GABRA5: variants seen among roughly 807,000 people sequenced by gnomAD.
GABRA5 encodes gamma-aminobutyric acid type A receptor subunit alpha5, also known as gamma-aminobutyric acid receptor subunit alpha-5.
A neutral mutation model predicts 47.3 loss-of-function variants in GABRA5; 18 were observed. That is an observed-to-expected ratio of 0.38 (90% CI 0.26 to 0.56). The LOEUF (loss-of-function observed/expected upper bound fraction) is 0.56, where lower values mean the gene tolerates loss of function less well. Ranked by LOEUF, GABRA5 falls within the 20% of genes least tolerant of loss-of-function variation. The pLI, the probability that GABRA5 is intolerant of heterozygous loss-of-function variation, is 0.71. For synonymous variants in GABRA5, 237 were observed against 229.3 expected (o/e 1.03, Z -0.30); for missense variants, 365 against 599.3 (o/e 0.61, Z 4.08).
chr15:26,934,555 A>G lies in GABRA5; in HGVS notation c.581-2630A>G, dbSNP rs144232358. Among the ~76,000 whole-genome samples the G allele has an allele frequency of 3.7e-3, 564 of 152,326 alleles. 4 individuals are homozygous for G. Among genetic ancestry groups the G allele is most frequent in the Middle Eastern group, 6.8e-3 (2 of 294 alleles). ...AATCATTCCCCACACGGTTATGTCC[A>G]TTATAGCTGCTGTTGATGAAGTACC... On this transcript the variant is annotated intron_variant, in intron 7 of 10. Transcript: ENST00000335625.
chr15:26,942,902 G>T (rs966529833), intron 9 of GABRA5, among the ~76,000 whole-genome samples: 6 of 152,078 alleles, frequency 3.9e-5, no homozygotes, highest in African/African-American at 1.2e-4. Context: ...TGGCCAACTT[G>T]GCAAAACCTC....
intron 7 of GABRA5, among the ~76,000 whole-genome samples, chr15:26,933,297 A>G (rs1894154179): frequency 6.6e-6 from 1 of 152,174 alleles, no homozygotes; most frequent in East Asian, 1.9e-4. Flanking sequence ...ACGTAATTCA[A>G]AGACAGCCAC....
chr15:26,910,256 A>G (rs1893548044), intron 6 of GABRA5, among the ~76,000 whole-genome samples: 1 of 152,096 alleles, frequency 6.6e-6, no homozygotes, highest in African/African-American at 2.4e-5. Context: ...TTAGGACCCT[A>G]AGCCCTCAAT....
intron 3 of GABRA5, among the ~76,000 whole-genome samples, chr15:26,870,939 C>A (rs1056589722): frequency 3.3e-5 from 5 of 152,294 alleles, no homozygotes; most frequent in Admixed American, 3.3e-4. Flanking sequence ...TGCTTGTAAT[C>A]CCAGCACTTT....
Position 26,939,194 on chromosome 15 carries a change from G to A in GABRA5, c.725-731G>A, listed in dbSNP as rs188047747. ...GGTAGCAAGAAGACTGGCCCAGCGG[G>A]CCTCACACTCCCTGACCACAGCTCC... is the stretch of plus-strand genomic sequence containing the variant. On this transcript the variant is annotated intron_variant, in intron 8 of 10. Transcript: ENST00000335625. 1.5e-4 allele frequency: 116 copies of A among 761,396 alleles called. 2 individuals are homozygous for A. The highest frequency in any genetic ancestry group is 4.4e-4 in the Admixed American group (26 of 58,848). The allele number at this position is 761,396 out of a possible 1,614,324, so 47.2% of individuals were successfully genotyped here.
At chr15:26,872,428 C>T (rs1430151246) in intron 3 of GABRA5, among the ~76,000 whole-genome samples, 1 of 152,152 alleles carries the variant, frequency 6.6e-6, no homozygotes, top group Non-Finnish European at 1.5e-5. Flanking sequence ...CTTGGGCTCC[C>T]TGACTTGAAT....
In GABRA5 at chr15:26,883,675, C is replaced by T. The variant is rs1408478480; in HGVS notation, c.497+118C>T. 4 of 790,788 alleles carry T rather than the reference C, an allele frequency of 5.1e-6. No individual in the cohort carries two copies. The highest frequency in any genetic ancestry group is 5.7e-6 in the Non-Finnish European group (3 of 522,802). 49.0% of individuals were successfully genotyped at this position (790,788 alleles called of 1,614,324 possible). ...TCTGACCATAGGTCTGAGACTGCGG[C>T]GCGTGTGTGCTGGGGGTTCCCCGTT... On this transcript the variant is annotated intron_variant, in intron 6 of 10. Coordinates refer to ENST00000335625, the MANE Select transcript of GABRA5 (RefSeq NM_000810.4). This position sits in a 1 kb window ranked among gnomAD's most constrained non-coding sequence, Gnocchi z 4.8.
chr15:26,877,362 G>T (rs1892624324), intron 3 of GABRA5, among the ~76,000 whole-genome samples: 1 of 152,124 alleles, frequency 6.6e-6, no homozygotes. Flanking sequence ...TCACACAATG[G>T]TGCCATTTAG....
chr15:26,933,400 C>T (rs1894156553), intron 7 of GABRA5, among the ~76,000 whole-genome samples: 1 of 152,138 alleles, frequency 6.6e-6, no homozygotes, highest in Non-Finnish European at 1.5e-5. Flanking sequence ...GGTAAAAAAG[C>T]CAATTGGAGT....
intron 3 of GABRA5, among the ~76,000 whole-genome samples, chr15:26,874,401 G>A (rs2140245376): frequency 6.6e-6 from 1 of 152,190 alleles, no homozygotes; most frequent in East Asian, 1.9e-4. Flanking sequence ...GCTTAGAGAA[G>A]TGTGTCCAAG....
intron 10 of GABRA5, among the ~76,000 whole-genome samples, chr15:26,945,151 G>A (rs1016850368): frequency 1.3e-5 from 2 of 152,208 alleles, no homozygotes; most frequent in Non-Finnish European, 2.9e-5. Flanking sequence ...GTTCAGACTC[G>A]TTCCTGGGAA....
chr15:26,884,115 A>G (rs1426908884), intron 6 of GABRA5, among the ~76,000 whole-genome samples: 1 of 152,098 alleles, frequency 6.6e-6, no homozygotes, highest in Non-Finnish European at 1.5e-5. Context: ...CTTGAGACCA[A>G]GAGTTTGAGG....
At chr15:26,896,961 AGAGAAAAAAATCTCTACATCTTAG>A (rs1230258428) in intron 6 of GABRA5, among the ~76,000 whole-genome samples, 17 of 66,940 alleles carry the variant, frequency 2.5e-4, no homozygotes, top group South Asian at 1.4e-3. Flanking sequence ...TTACAGATGT[AGAGAAAAAAATCTCTACATCTTAG>A]AGATGTAGAG....
chr15:26,922,055 C>T (rs919301560), intron 7 of GABRA5, among the ~76,000 whole-genome samples: 6 of 152,060 alleles, frequency 3.9e-5, no homozygotes, highest in African/African-American at 1.4e-4. Flanking sequence ...AAAGTATGTG[C>T]ATTTTGTGGT....
intron 4 of GABRA5, among the ~76,000 whole-genome samples, chr15:26,882,065 C>T (rs938270998): frequency 3.9e-5 from 6 of 152,204 alleles, no homozygotes; most frequent in African/African-American, 1.4e-4. Context: ...GCCTTTTGGG[C>T]ACAGGCTCCT....
intron 7 of GABRA5, among the ~76,000 whole-genome samples, chr15:26,934,276 G>GA (rs1157724313): frequency 1.4e-5 from 2 of 143,808 alleles, no homozygotes; most frequent in Non-Finnish European, 3.1e-5. Flanking sequence ...AAGAAAGAAA[G>GA]AAAAAAAAGG....
chr15:26,895,043 C>T (rs1893146759), intron 6 of GABRA5, among the ~76,000 whole-genome samples: 1 of 151,970 alleles, frequency 6.6e-6, no homozygotes, highest in Admixed American at 6.5e-5. Context: ...GGAGCTGCTG[C>T]CTGGTTCTCT....
chr15:26,920,336 G>A (rs1392227600), intron 7 of GABRA5, among the ~76,000 whole-genome samples: 3 of 151,476 alleles, frequency 2.0e-5, no homozygotes, highest in Non-Finnish European at 4.4e-5. Flanking sequence ...ATAATTTCCA[G>A]TGATCTATTT....
intron 10 of GABRA5, among the ~76,000 whole-genome samples, chr15:26,947,177 C>T (rs370003477): frequency 1.3e-5 from 2 of 152,092 alleles, no homozygotes; most frequent in South Asian, 2.1e-4. Flanking sequence ...GTCCTAATTC[C>T]GTTTATGGCA....
Sources: gnomAD v4.1 joint callset for allele counts (sites outside exome capture counted in the v4.1 genomes callset) on GRCh38, gnomAD v4.1.1 for gene constraint, Gnocchi (gnomAD v3.1) non-coding constraint, MANE v1.5 for transcripts, NCBI Gene and HGNC (gene_info 2026-07-23, HGNC 2026-07-21) for gene names.